Variants in MYOF observed in about 807,000 individuals in gnomAD.
MYOF encodes fer-1-like 3, myoferlin.
In MYOF, 244 loss-of-function variants were observed where a neutral mutation model predicts 284.2. The ratio of observed to expected loss-of-function variants is 0.86; its 90% confidence interval spans 0.77 to 0.95. The LOEUF (loss-of-function observed/expected upper bound fraction) is 0.95. Ranked by LOEUF, MYOF falls within the 40% of genes least tolerant of loss-of-function variation. The pLI is 0.00. For missense variants in MYOF, 2,496 were observed against 2,560.6 expected (o/e 0.97, Z 0.54); for synonymous variants, 904 against 919.7 (o/e 0.98, Z 0.31).
intron 1 of MYOF, 49 bp downstream of exon 1, chr10:93,482,057 AC>A: frequency 6.5e-7 from 1 of 1,531,638 alleles, no homozygotes. Context: ...GACTCAAGAA[AC>A]TAACATTCCA....
intron 23 of MYOF, among the ~76,000 whole-genome samples, chr10:93,374,511 A>G (rs1263806330): frequency 2.0e-5 from 3 of 152,224 alleles, no homozygotes; most frequent in African/African-American, 7.2e-5. Flanking sequence ...TACCATGAAA[A>G]TGATAATGAT....
At chr10:93,481,220 T>G (rs1479905429) in intron 1 of MYOF, among the ~76,000 whole-genome samples, 3 of 152,078 alleles carry the variant, frequency 2.0e-5, no homozygotes, top group Admixed American at 6.6e-5. Flanking sequence ...CATGAGCCTT[T>G]TATTTTTATT....
At chr10:93,376,399 C>A (rs1182005310) in intron 22 of MYOF, among the ~76,000 whole-genome samples, 1 of 152,178 alleles carries the variant, frequency 6.6e-6, no homozygotes, top group South Asian at 2.1e-4. Context: ...CAGCTCTGGG[C>A]ATCAGATATG....
intron 3 of MYOF, among the ~76,000 whole-genome samples, chr10:93,437,079 C>A (rs1303118289): frequency 6.6e-6 from 1 of 152,158 alleles, no homozygotes; most frequent in Non-Finnish European, 1.5e-5. Context: ...CAGTCATGCT[C>A]CTTTGTCTTT....
Position 93,307,675 on chromosome 10 carries a change from A to G in MYOF, c.6148-674T>C, listed in dbSNP as rs866253561. 5.5e-4 allele frequency among the ~76,000 whole-genome samples: 82 copies of G among 148,206 alleles called. 2 individuals are homozygous for G. Among genetic ancestry groups the G allele is most frequent in the African/African-American group, 1.9e-3 (76 of 39,860 alleles). On this transcript the variant is annotated intron_variant, in intron 53 of 53. Transcript: ENST00000359263. ...GTTTTGCACTTGTCACCCAGGGTGG[A>G]GTGCAGTGGCGTGATCTCCAGTCAC... is the stretch of plus-strand genomic sequence containing the variant.
chr10:93,392,861 A>G, intron 17 of MYOF, 56 bp downstream of exon 17: 4 of 1,478,348 alleles, frequency 2.7e-6, no homozygotes, highest in Non-Finnish European at 3.8e-6. Context: ...TACATTCTTA[A>G]TAAGATAATA....
chr10:93,439,973 T>A (rs1454583064), intron 3 of MYOF, among the ~76,000 whole-genome samples: 3 of 152,216 alleles, frequency 2.0e-5, no homozygotes, highest in Non-Finnish European at 4.4e-5. Flanking sequence ...TCCCCACCCT[T>A]AATACTACAT....
intron 1 of MYOF, among the ~76,000 whole-genome samples, chr10:93,471,512 T>C (rs1029241925): frequency 7.2e-5 from 11 of 152,178 alleles, no homozygotes; most frequent in African/African-American, 2.2e-4. Context: ...ATGGACCATC[T>C]GGAATCCAGT....
At chr10:93,335,866 C>A in intron 41 of MYOF, 55 bp downstream of exon 41, 2 of 1,594,054 alleles carry the variant, frequency 1.3e-6, no homozygotes, top group Non-Finnish European at 1.7e-6. Context: ...TTATTCTAGG[C>A]CTATATAGAA....
At position 93,409,702 on chromosome 10, in the gene MYOF, C is replaced by T. The variant is rs1293659449; in HGVS notation, c.471G>A (p.Leu157=). Residue 157 remains leucine (L), a synonymous_variant, in exon 6 of 54, where the codon TTG becomes TTA. Coordinates refer to ENST00000359263, the MANE Select transcript of MYOF (RefSeq NM_013451.4). ...GCCCAGGGCCCCTGACTGCATTGTCCAACCTGTCTTCATCACCTTCATCTT... is the reference window on the plus strand; with the variant it reads ...GCCCAGGGCCCCTGACTGCATTGTCTAACCTGTCTTCATCACCTTCATCTT... ...GEEDEGDEDR[L]DNAVRGPGPK... 1 of 1,614,096 alleles carries T rather than the reference C, an allele frequency of 6.2e-7. No homozygotes were observed. Among genetic ancestry groups the T allele is most frequent in the Non-Finnish European group, 8.5e-7 (1 of 1,180,046 alleles).
chr10:93,361,626 A>G (rs539222002), intron 27 of MYOF, 69 bp from the exon 28 acceptor site: 457 of 1,422,230 alleles, frequency 3.2e-4, no homozygotes, highest in Non-Finnish European at 4.3e-4. Context: ...AAAGGGTCCA[A>G]TATAGTTCCT....
chr10:93,464,703 T>C (rs1222135741), intron 1 of MYOF, among the ~76,000 whole-genome samples: 2 of 152,186 alleles, frequency 1.3e-5, no homozygotes, highest in Non-Finnish European at 2.9e-5. Flanking sequence ...ACATAACCTT[T>C]ATGATGTGCC....
intron 39 of MYOF, chr10:93,338,476 T>A (rs1336451319): frequency 2.2e-6 from 1 of 456,884 alleles, no homozygotes; most frequent in Non-Finnish European, 4.4e-6. Context: ...ATCCACTGAA[T>A]GCAATAATAA....
intron 3 of MYOF, among the ~76,000 whole-genome samples, chr10:93,443,450 T>TTCTCTC (rs146232847): frequency 1.2e-3 from 172 of 143,642 alleles, no homozygotes; most frequent in African/African-American, 2.5e-3. Flanking sequence ...CTCCTCTTTC[T>TTCTCTC]TCTCTCTCTC....
chr10:93,345,547 C>T (rs1318488775), intron 37 of MYOF, among the ~76,000 whole-genome samples: 1 of 152,168 alleles, frequency 6.6e-6, no homozygotes, highest in East Asian at 1.9e-4. Context: ...GACCTGTAAG[C>T]AGTCTCTACA....
At chr10:93,475,066 A>G (rs1465427713) in intron 1 of MYOF, among the ~76,000 whole-genome samples, 2 of 152,154 alleles carry the variant, frequency 1.3e-5, no homozygotes, top group African/African-American at 2.4e-5. Context: ...TGCAGATTGT[A>G]TTTGCTCATG....
chr10:93,321,854 C>A (rs1317461704), intron 48 of MYOF, among the ~76,000 whole-genome samples: 1 of 152,076 alleles, frequency 6.6e-6, no homozygotes, highest in Non-Finnish European at 1.5e-5. Flanking sequence ...TAGCACTAGG[C>A]ATGGTATTTA....
At chr10:93,362,589 A>G (rs1845129249) in intron 27 of MYOF, among the ~76,000 whole-genome samples, 1 of 152,190 alleles carries the variant, frequency 6.6e-6, no homozygotes, top group Non-Finnish European at 1.5e-5. Flanking sequence ...GAGGTTCATA[A>G]TGTTAATTAT....
chr10:93,477,785 T>G (rs1024692618), intron 1 of MYOF, among the ~76,000 whole-genome samples: 1 of 152,086 alleles, frequency 6.6e-6, no homozygotes, highest in Non-Finnish European at 1.5e-5. Context: ...AGGTGGAGGT[T>G]GCAGTGAGCC....
Sources: allele counts gnomAD v4.1 joint callset (sites outside exome capture counted in the v4.1 genomes callset), GRCh38; gene constraint gnomAD v4.1.1; transcripts MANE v1.5; gene names NCBI Gene and HGNC (gene_info 2026-07-23, HGNC 2026-07-21).